Variants in RYR1 observed in about 807,000 individuals in gnomAD.
RYR1 encodes the protein ryanodine receptor 1.
Under a neutral mutation model 583.5 loss-of-function variants are expected in RYR1, and 342 were observed. The ratio of observed to expected loss-of-function variants is 0.59; its 90% CI spans 0.54 to 0.64. The LOEUF is 0.64. Ranked by LOEUF, RYR1 falls within the 30% of genes least tolerant of loss-of-function variation. RYR1 has a pLI of 0.00. For missense variants in RYR1, 6,032 were observed against 6,917.2 expected, an observed-to-expected ratio of 0.87 and a Z score of 4.54; for synonymous variants, 2,791 against 2,822.5, an observed-to-expected ratio of 0.99 and a Z score of 0.35.
At chr19:38,558,737 C>T (rs1201473875) in intron 89 of RYR1, among the ~76,000 whole-genome samples, 1 of 152,106 alleles carries the variant, frequency 6.6e-6, no homozygotes, top group Non-Finnish European at 1.5e-5. Flanking sequence ...CAAGATCACG[C>T]CACTGCACTC....
chr19:38,477,584 A>G lies in RYR1; in HGVS notation c.4294-126A>G, dbSNP rs1968797168. ...GACATAACCAGGGGGTGGGGGACTC[A>G]GATCCAACAACTTCCTGTTAAACTC... is the stretch of plus-strand genomic sequence containing the variant. On this transcript the variant is annotated intron_variant, in intron 29 of 105. Transcript: ENST00000359596. 7.8e-6 allele frequency: 9 copies of G among 1,158,420 alleles called. No individual in the cohort carries two copies. The South Asian group carries it at 1.1e-4, about 15-fold the overall frequency. 71.8% of individuals were successfully genotyped at this position (1,158,420 alleles called of 1,614,324 possible). A position where few individuals can be genotyped will look rare whatever the true frequency, so the allele number is the denominator to read the frequency against.
chr19:38,487,202 A>C (rs1969338534), intron 34 of RYR1, among the ~76,000 whole-genome samples: 1 of 151,980 alleles, frequency 6.6e-6, no homozygotes. Context: ...ATGTACGTAC[A>C]CCCATCCACC....
intron 42 of RYR1, among the ~76,000 whole-genome samples, chr19:38,497,403 G>C (rs1198781220): frequency 6.6e-6 from 1 of 152,204 alleles, no homozygotes; most frequent in Non-Finnish European, 1.5e-5. Flanking sequence ...AAATGCGTGG[G>C]CTCCAGACTT....
chr19:38,504,141 G>A (rs1970329427), intron 49 of RYR1, 79 bp from the exon 50 acceptor site: 21 of 1,472,776 alleles, frequency 1.4e-5, no homozygotes, highest in Non-Finnish European at 1.7e-5. Flanking sequence ...TGGCATGCCT[G>A]TGTCTCTCTG....
chr19:38,443,891 T>C (rs1972814096), intron 5 of RYR1, 95 bp downstream of exon 5: 5 of 1,162,272 alleles, frequency 4.3e-6, no homozygotes, highest in Admixed American at 1.8e-5. Context: ...AGCATGAGAC[T>C]ACCCTGGGGA....
intron 76 of RYR1, among the ~76,000 whole-genome samples, chr19:38,530,987 C>CTCTTTTTTTTT (rs773883038): frequency 7.7e-6 from 1 of 129,376 alleles, no homozygotes; most frequent in Non-Finnish European, 1.6e-5. Flanking sequence ...TTTTCTTTCT[C>CTCTTTTTTTTT]TTTTTTTTTT....
intron 63 of RYR1, among the ~76,000 whole-genome samples, chr19:38,513,245 G>A (rs555059621): frequency 1.3e-5 from 2 of 152,144 alleles, no homozygotes; most frequent in Admixed American, 1.3e-4. Context: ...GCTGAGGCAG[G>A]AGAATTGCTT....
Position 38,535,212 on chromosome 19 carries a change from G to A in RYR1, c.11431G>A (p.Val3811Ile). 2 of 1,614,152 alleles carry A rather than the reference G, an allele frequency of 1.2e-6. No individual in the cohort carries two copies. Among genetic ancestry groups the A allele is most frequent in the Non-Finnish European group, 1.7e-6 (2 of 1,180,030 alleles). ...ISILNGGNAE[V>I]QQKMLDYLKD... ...CATCCTCAATGGAGGCAATGCTGAGGTCCAGCAGGTAACAGAGGCAAAGGG... is the reference window on the plus strand; with the variant it reads ...CATCCTCAATGGAGGCAATGCTGAGATCCAGCAGGTAACAGAGGCAAAGGG... The change falls in exon 80 of 106, where the codon GTC (valine) becomes ATC (isoleucine). Residue 3811 changes from valine (V) to isoleucine (I), a missense_variant. By Grantham distance (29) the Val-to-Ile change is conservative. This residue lies in a region of RYR1 where 1,493 missense variants were observed against 1,715.5 expected (regional missense o/e 0.87). Transcript: ENST00000359596.
chr19:38,446,212 C>G (rs1345959265), intron 7 of RYR1, among the ~76,000 whole-genome samples: 1 of 152,086 alleles, frequency 6.6e-6, no homozygotes, highest in Non-Finnish European at 1.5e-5. Flanking sequence ...ATGACAGACT[C>G]ACAACTCCCC....
chr19:38,527,825 C>A, intron 73 of RYR1, 41 bp downstream of exon 73: 1 of 1,602,970 alleles, frequency 6.2e-7, no homozygotes, highest in African/African-American at 1.3e-5. Flanking sequence ...GGTCTCTGGG[C>A]GGAGCCTGGC....
intron 87 of RYR1, among the ~76,000 whole-genome samples, chr19:38,545,165 T>C (rs78864041): frequency 0.023 from 3,458 of 152,146 alleles, 94 homozygotes; most frequent in Admixed American, 0.073. Flanking sequence ...AAAGAAAGCT[T>C]TGACTGACCA....
Position 38,485,963 on chromosome 19 carries a change from T to G in RYR1, c.5308T>G (p.Ser1770Ala), listed in dbSNP as rs571494344. Residue 1770 changes from serine (S) to alanine (A), a missense_variant, in exon 34 of 106, where the codon TCG becomes GCG. Transcript: ENST00000359596. ...CCTGCCGGGAGTTGGAGTCACCACTTCGCTGAGGCCCCCGCATCATTTCTC... is the reference window on the plus strand; with the variant it reads ...CCTGCCGGGAGTTGGAGTCACCACTGCGCTGAGGCCCCCGCATCATTTCTC... ...HGLPGVGVTT[S>A]LRPPHHFSPP... is the part of the protein sequence containing the mutation. 2 of 1,613,638 alleles carry G rather than the reference T, an allele frequency of 1.2e-6. No homozygotes were observed. The highest frequency in any genetic ancestry group is 4.5e-5 in the East Asian group (2 of 44,874).
chr19:38,544,662 A>G (rs1972347629), intron 87 of RYR1, among the ~76,000 whole-genome samples: 1 of 152,200 alleles, frequency 6.6e-6, no homozygotes, highest in African/African-American at 2.4e-5. Context: ...GGCTGGCAGA[A>G]ACCCTAATTC....
chr19:38,465,335 G>T (rs115467988), intron 23 of RYR1, among the ~76,000 whole-genome samples: 4,106 of 152,064 alleles, frequency 0.027, 174 homozygotes, highest in African/African-American at 0.089. Flanking sequence ...CATGGTGGTG[G>T]GACATGCCTG....
At position 38,473,384 on chromosome 19, in the gene RYR1, G is replaced by C; in HGVS notation, c.3773G>C (p.Arg1258Pro). The C allele has an allele frequency of 6.2e-7, 1 of 1,613,770 alleles. No individual in the cohort carries two copies. Among genetic ancestry groups the C allele is most frequent in the Non-Finnish European group, 8.5e-7 (1 of 1,179,964 alleles). Residue 1258 changes from arginine (R) to proline (P), a missense_variant, in exon 28 of 106, where the codon CGA becomes CCA. Physicochemically the swap from Arg to Pro is moderately radical, Grantham distance 103. Transcript: ENST00000359596. Reference protein sequence around the residue: ...PLEHPHYEVSRVDGTVDTPPC... With the variant: ...PLEHPHYEVSPVDGTVDTPPC... The stretch of plus-strand genomic sequence containing the variant: ...CATTCCCTGCCACCTCAGGTATCCC[G>C]AGTGGACGGCACTGTGGACACGCCC...
intron 89 of RYR1, among the ~76,000 whole-genome samples, chr19:38,553,907 C>T (rs1972770991): frequency 6.6e-6 from 1 of 152,118 alleles, no homozygotes; most frequent in Admixed American, 6.5e-5. Flanking sequence ...TGTCGTCATT[C>T]TTTTTTACAG....
chr19:38,448,604 AAC>A (rs779299705), intron 10 of RYR1, 43 bp from the exon 11 acceptor site: 72 of 1,613,992 alleles, frequency 4.5e-5, no homozygotes, highest in Non-Finnish European at 5.9e-5. Flanking sequence ...TCCCCTGCTA[AAC>A]ACACAGGCAG....
intron 76 of RYR1, among the ~76,000 whole-genome samples, chr19:38,529,386 G>A (rs1463241302): frequency 6.6e-6 from 1 of 152,106 alleles, no homozygotes; most frequent in Non-Finnish European, 1.5e-5. Flanking sequence ...AGGCTGAGGC[G>A]GAAGAATCGC....
chr19:38,530,966 C>G (rs1054197934), intron 76 of RYR1, among the ~76,000 whole-genome samples: 2 of 149,016 alleles, frequency 1.3e-5, no homozygotes, highest in African/African-American at 4.9e-5. Context: ...CCATGCCCAG[C>G]TATTTTTCTT....
Sources: gnomAD v4.1 joint callset for allele counts (sites outside exome capture counted in the v4.1 genomes callset) on GRCh38, gnomAD v4.1.1 for gene constraint, gnomAD v4.1.1 regional missense constraint, MANE v1.5 for transcripts, NCBI Gene and HGNC (gene_info 2026-07-23, HGNC 2026-07-21) for gene names.